The following SV2B variants were observed in gnomAD, a reference collection of about 807,000 sequenced individuals.
SV2B encodes the protein solute carrier family 22 member B2.
Under a neutral mutation model 73.9 loss-of-function variants are expected in SV2B, and 41 were observed. That is an observed-to-expected ratio of 0.56 (90% CI 0.43 to 0.72). The LOEUF is 0.72. SV2B is among the 30% of genes least tolerant of loss of function. SV2B has a pLI of 0.00. For missense variants in SV2B, 764 were observed against 857.8 expected (o/e 0.89, Z 1.37); for synonymous variants, 314 against 314.2 (o/e 1.00, Z 0.01).
At position 91,140,730 on chromosome 15, in the gene SV2B, C is replaced by T. The variant is rs2042974154; in HGVS notation, c.-392+40367C>T. Reference sequence around the variant, plus strand: ...TACTAGATACTTCTGTGGCTTAAAACACCACCTTCTACCAAAGGCATGCTT... The same window carrying T: ...TACTAGATACTTCTGTGGCTTAAAATACCACCTTCTACCAAAGGCATGCTT... On this transcript the variant is annotated intron_variant, in intron 1 of 12. Transcript: ENST00000394232. This position sits in a 1 kb window ranked among gnomAD's most constrained non-coding sequence, Gnocchi z 4.4. Among the ~76,000 whole-genome samples, 1 of 152,104 alleles carries T rather than the reference C, an allele frequency of 6.6e-6. No individual in the cohort carries two copies. The highest frequency in any genetic ancestry group is 1.5e-5 in the Non-Finnish European group (1 of 68,024).
intron 1 of SV2B, among the ~76,000 whole-genome samples, chr15:91,150,159 C>T (rs747575992): frequency 2.0e-5 from 3 of 152,116 alleles, no homozygotes; most frequent in Admixed American, 6.5e-5. Flanking sequence ...CCCACCACCA[C>T]GCCCAGCCAA....
chr15:91,270,883 T>TTGTGGATGATGGGAGGACGGTGAGTCC (rs1567417854), intron 9 of SV2B, among the ~76,000 whole-genome samples: 1 of 60,682 alleles, frequency 1.6e-5, no homozygotes, highest in South Asian at 5.0e-4. Context: ...ACGGTGAATC[T>TTGTGGATGATGGGAGGACGGTGAGTCC]TGTGGATGAT....
At chr15:91,168,693 G>C (rs1021281032) in intron 1 of SV2B, among the ~76,000 whole-genome samples, 2 of 152,148 alleles carry the variant, frequency 1.3e-5, no homozygotes, top group South Asian at 4.2e-4. Flanking sequence ...ACTCACTGCT[G>C]TATTGGTTGT....
Position 91,136,931 on chromosome 15 carries a change from G to T in SV2B, c.-392+36568G>T, listed in dbSNP as rs1288263680. Among the ~76,000 whole-genome samples the T allele has an allele frequency of 6.6e-6, 1 of 152,184 alleles. No individual in the cohort carries two copies. The highest frequency in any genetic ancestry group is 1.9e-4 in the East Asian group (1 of 5,180). ...GTCAATGGCAACTTACCTTGACCGG[G>T]ATTTTGGCAGATGAAGGAAAAACTA... On this transcript the variant is annotated intron_variant, in intron 1 of 12. Coordinates refer to ENST00000394232, the MANE Select transcript of SV2B (RefSeq NM_001323032.3). This position sits in a 1 kb window ranked among gnomAD's most constrained non-coding sequence, Gnocchi z 5.6.
At chr15:91,162,628 G>A (rs1051733648) in intron 1 of SV2B, among the ~76,000 whole-genome samples, 14 of 152,272 alleles carry the variant, frequency 9.2e-5, no homozygotes, top group Non-Finnish European at 1.9e-4. Context: ...GCATCAGTTG[G>A]ACTGAGTTCT....
In SV2B at chr15:91,224,721, T is replaced by G. The variant is rs186977757; in HGVS notation, c.-391-1152T>G. On this transcript the variant is annotated intron_variant, in intron 1 of 12. Coordinates refer to ENST00000394232, the MANE Select transcript of SV2B (RefSeq NM_001323032.3). This position sits in a 1 kb window ranked among gnomAD's most constrained non-coding sequence, Gnocchi z 4.9. ...AGTTTGATTATCTCTCAAATGAAGA[T>G]ACAGATGATTTTTTTTCTTTCTTTT... Among the ~76,000 whole-genome samples, 1 of 152,154 alleles carries G rather than the reference T, an allele frequency of 6.6e-6. No individual in the cohort carries two copies. The highest frequency in any genetic ancestry group is 6.5e-5 in the Admixed American group (1 of 15,284).
intron 1 of SV2B, among the ~76,000 whole-genome samples, chr15:91,163,077 T>C (rs1043492252): frequency 6.6e-6 from 1 of 152,206 alleles, no homozygotes; most frequent in Non-Finnish European, 1.5e-5. Context: ...TCCGTGTCCC[T>C]ACAAAGTACA....
Position 91,232,305 on chromosome 15 carries a change from A to T in SV2B, c.451+5591A>T, listed in dbSNP as rs766328209. The stretch of plus-strand genomic sequence containing the variant: ...CTTATTTATACTGTTTAGATCATGT[A>T]ATTCTTCAGGATAGACTGATTACTT... On this transcript the variant is annotated intron_variant, in intron 2 of 12. Transcript: ENST00000394232. This position sits in a 1 kb window ranked among gnomAD's most constrained non-coding sequence, Gnocchi z 4.7. Among the ~76,000 whole-genome samples the T allele has an allele frequency of 1.3e-5, 2 of 152,222 alleles. No homozygotes were observed. The highest frequency in any genetic ancestry group is 2.4e-5 in the African/African-American group (1 of 41,468).
chr15:91,171,151 A>G (rs1276318984), intron 1 of SV2B, among the ~76,000 whole-genome samples: 2 of 152,138 alleles, frequency 1.3e-5, no homozygotes, highest in African/African-American at 4.8e-5. Flanking sequence ...GCTATGGAAA[A>G]GGCAGGGAAG....
chr15:91,286,283 C>A (rs1261266430), intron 11 of SV2B, among the ~76,000 whole-genome samples: 1 of 152,174 alleles, frequency 6.6e-6, no homozygotes, highest in Non-Finnish European at 1.5e-5. Context: ...TGAAATAGCC[C>A]TATCCCCACC....
chr15:91,217,498 G>A (rs1429838752), intron 1 of SV2B, among the ~76,000 whole-genome samples: 1 of 152,042 alleles, frequency 6.6e-6, no homozygotes, highest in Non-Finnish European at 1.5e-5. Context: ...ACACCAACAT[G>A]GCACATGTAT....
At chr15:91,142,900 T>C (rs552852472) in intron 1 of SV2B, among the ~76,000 whole-genome samples, 8 of 152,364 alleles carry the variant, frequency 5.3e-5, no homozygotes, top group African/African-American at 1.7e-4. Context: ...AAAAATAAAG[T>C]TTAGCATATA....
rs1195347583 is a variant in SV2B, at chr15:91,240,429, T to G, written c.452-11390T>G. ...CTTTTCACTTTATTCAGTAGCTCCT[T>G]AAAAGAGTCAACTTACTCACGGGCT... On this transcript the variant is annotated intron_variant, in intron 2 of 12. Coordinates refer to ENST00000394232, the MANE Select transcript of SV2B (RefSeq NM_001323032.3). The surrounding 1 kb of genome is among the most constrained non-coding windows in gnomAD (Gnocchi z 4.6). 6.6e-6 allele frequency among the ~76,000 whole-genome samples: 1 copy of G among 152,144 alleles called. No individual in the cohort carries two copies. The highest frequency in any genetic ancestry group is 2.4e-5 in the African/African-American group (1 of 41,412).
rs1055875925 is a variant in SV2B, at chr15:91,132,963, C to G, written c.-392+32600C>G. 6.6e-6 allele frequency among the ~76,000 whole-genome samples: 1 copy of G among 152,204 alleles called. No homozygotes were observed. Among genetic ancestry groups the G allele is most frequent in the African/African-American group, 2.4e-5 (1 of 41,450 alleles). Reference sequence around the variant, plus strand: ...ATAATAAGGGCTAAAAGACTAAAGACTATTGGGCATCTGTTGCGTGCCAGG... The same window carrying G: ...ATAATAAGGGCTAAAAGACTAAAGAGTATTGGGCATCTGTTGCGTGCCAGG... On this transcript the variant is annotated intron_variant, in intron 1 of 12. Coordinates refer to ENST00000394232, the MANE Select transcript of SV2B (RefSeq NM_001323032.3). The surrounding 1 kb of genome is among the most constrained non-coding windows in gnomAD (Gnocchi z 4.6).
chr15:91,272,738 A>G (rs1198061241), intron 9 of SV2B, among the ~76,000 whole-genome samples: 2 of 151,670 alleles, frequency 1.3e-5, no homozygotes, highest in Admixed American at 1.3e-4. Flanking sequence ...ACACACACAC[A>G]CAATAGAACA....
In SV2B at chr15:91,139,163, C is replaced by G. The variant is rs1041515899; in HGVS notation, c.-392+38800C>G. On this transcript the variant is annotated intron_variant, in intron 1 of 12. Coordinates refer to ENST00000394232, the MANE Select transcript of SV2B (RefSeq NM_001323032.3). The surrounding 1 kb of genome is among the most constrained non-coding windows in gnomAD (Gnocchi z 5.2). ...ATGGCTAAAATCATATGATGTTGGG[C>G]TGTGCTTCACAATCATCCAATGGTG... 6.6e-6 allele frequency among the ~76,000 whole-genome samples: 1 copy of G among 151,988 alleles called. No homozygotes were observed. The highest frequency in any genetic ancestry group is 1.5e-5 in the Non-Finnish European group (1 of 68,006).
intron 1 of SV2B, among the ~76,000 whole-genome samples, chr15:91,153,775 G>T (rs8041530): frequency 1.3e-5 from 2 of 151,846 alleles, no homozygotes; most frequent in Non-Finnish European, 2.9e-5. Context: ...GTAAAGTCAG[G>T]CTGGAGACAA....
chr15:91,214,244 T>TA lies in SV2B; in HGVS notation c.-391-11623dup, dbSNP rs574434431. Among the ~76,000 whole-genome samples, 1 of 152,124 alleles carries TA rather than the reference T, an allele frequency of 6.6e-6. No individual in the cohort carries two copies. Among genetic ancestry groups the TA allele is most frequent in the South Asian group, 2.1e-4 (1 of 4,808 alleles). On this transcript the variant is annotated intron_variant, in intron 1 of 12. Coordinates refer to ENST00000394232, the MANE Select transcript of SV2B (RefSeq NM_001323032.3). The surrounding 1 kb of genome is among the most constrained non-coding windows in gnomAD (Gnocchi z 4.7). The stretch of plus-strand genomic sequence containing the variant: ...CAGGGTTCCAGCAGAGTGGAAGTGC[T>TA]AAAAAACCAGAGGGTCTCACCCAAG...
rs563777395 is a variant in SV2B, at chr15:91,299,508, T to A, written c.*6956T>A. The A allele has an allele frequency of 6.6e-6, 1 of 152,334 alleles. No homozygotes were observed. 9.4% of individuals were successfully genotyped at this position (152,334 alleles called of 1,614,324 possible). ...GAGCTAAAGATTTGCAATCAGAACA[T>A]TGGTAGAGTGCATTGCTGAGTTATA... On this transcript the variant is annotated 3_prime_UTR_variant, in exon 13 of 13. Transcript: ENST00000394232.
Sources: gnomAD v4.1 joint callset for allele counts (sites outside exome capture counted in the v4.1 genomes callset) on GRCh38, gnomAD v4.1.1 for gene constraint, Gnocchi (gnomAD v3.1) non-coding constraint, MANE v1.5 for transcripts, NCBI Gene and HGNC (gene_info 2026-07-23, HGNC 2026-07-21) for gene names.